The following ADCY1 variants were observed in gnomAD, a reference collection of about 807,000 sequenced individuals.
ADCY1 encodes adenylate cyclase type 1.
In ADCY1, 28 loss-of-function variants were observed where a neutral mutation model predicts 105.4. The ratio of observed to expected loss-of-function variants is 0.27; its 90% CI spans 0.20 to 0.36. The LOEUF (loss-of-function observed/expected upper bound fraction) is 0.36. Among genes scored for constraint, ADCY1 ranks in the 10% least tolerant of loss-of-function variants. ADCY1 has a pLI of 1.00. For synonymous variants in ADCY1, 655 were observed against 623.8 expected (o/e 1.05, Z -0.75); for missense variants, 977 against 1,434.2 (o/e 0.68, Z 5.15).
chr7:45,681,162 C>T (rs1328582164), intron 11 of ADCY1, among the ~76,000 whole-genome samples: 2 of 152,216 alleles, frequency 1.3e-5, no homozygotes, highest in African/African-American at 4.8e-5. Flanking sequence ...AGAAAACTCT[C>T]GGTTCTAAAA....
chr7:45,686,506 G>T lies in ADCY1; in HGVS notation c.2328-41G>T, dbSNP rs769768127. On this transcript the variant is annotated intron_variant, in intron 13 of 19. Coordinates refer to ENST00000297323, the MANE Select transcript of ADCY1 (RefSeq NM_021116.4). This position sits in a 1 kb window ranked among gnomAD's most constrained non-coding sequence, Gnocchi z 4.3. ...TTGGTGGCAGAGTCTTGCCCTGGAA[G>T]CTCGGCACTGACTTGGCTTTTCTTC... The T allele has an allele frequency of 8.9e-6, 14 of 1,581,846 alleles. No homozygotes were observed. The highest frequency in any genetic ancestry group is 1.1e-5 in the Non-Finnish European group (13 of 1,161,556).
At chr7:45,626,227 A>G (rs1794058552) in intron 4 of ADCY1, among the ~76,000 whole-genome samples, 1 of 152,174 alleles carries the variant, frequency 6.6e-6, no homozygotes, top group Admixed American at 6.5e-5. Flanking sequence ...ACACCAGTAA[A>G]ACTTTACAAA....
intron 14 of ADCY1, among the ~76,000 whole-genome samples, chr7:45,699,420 C>T (rs578175647): frequency 1.1e-3 from 161 of 152,260 alleles, no homozygotes; most frequent in Non-Finnish European, 1.8e-3. Context: ...TTCAAGGAAA[C>T]GCAGATAACT....
intron 6 of ADCY1, 115 bp from the exon 7 acceptor site, chr7:45,659,927 G>T: frequency 7.4e-7 from 1 of 1,347,400 alleles, no homozygotes. Flanking sequence ...TCCCCGTGGA[G>T]CCTGCCCTGG....
chr7:45,710,512 G>A lies in ADCY1; in HGVS notation c.2933-16G>A, dbSNP rs775971010. 2.5e-6 allele frequency: 4 copies of A among 1,612,760 alleles called. No homozygotes were observed. The highest frequency in any genetic ancestry group is 1.7e-5 in the Admixed American group (1 of 59,880). ...TTTTCCCGCTGATGACAGGTCATGCGCTGGCTGTTTTCTAGGCATCAATGT... is the reference window on the plus strand; with the variant it reads ...TTTTCCCGCTGATGACAGGTCATGCACTGGCTGTTTTCTAGGCATCAATGT... On this transcript the variant is annotated splice_polypyrimidine_tract_variant and intron_variant, in intron 18 of 19. Transcript: ENST00000297323. This position sits in a 1 kb window ranked among gnomAD's most constrained non-coding sequence, Gnocchi z 4.7.
intron 7 of ADCY1, 121 bp from the exon 8 acceptor site, chr7:45,661,938 C>G: frequency 8.0e-7 from 1 of 1,251,204 alleles, no homozygotes; most frequent in Middle Eastern, 2.0e-4. Flanking sequence ...GAAGTAGGCG[C>G]TGAGCAAATG....
intron 8 of ADCY1, among the ~76,000 whole-genome samples, chr7:45,662,876 G>A (rs1456109874): frequency 6.6e-6 from 1 of 152,194 alleles, no homozygotes; most frequent in Non-Finnish European, 1.5e-5. Context: ...CTGGAAGCCT[G>A]GGCTTTTGCA....
chr7:45,684,809 G>T, intron 11 of ADCY1, 170 bp from the exon 12 acceptor site: 1 of 533,718 alleles, frequency 1.9e-6, no homozygotes, highest in Non-Finnish European at 3.3e-6. Flanking sequence ...TTTCACCTGG[G>T]AGAATAAACA....
Position 45,710,349 on chromosome 7 carries a change from T to C in ADCY1, c.2933-179T>C, listed in dbSNP as rs1785202284. The stretch of plus-strand genomic sequence containing the variant: ...GCCCGTGCAGCAGGGCAGCTGCCTC[T>C]CTGGTGCTGTGTGTGATGCTTCAGG... On this transcript the variant is annotated intron_variant, in intron 18 of 19. Transcript: ENST00000297323. This position sits in a 1 kb window ranked among gnomAD's most constrained non-coding sequence, Gnocchi z 4.7. 6.6e-6 allele frequency among the ~76,000 whole-genome samples: 1 copy of C among 152,156 alleles called. No homozygotes were observed. The highest frequency in any genetic ancestry group is 1.5e-5 in the Non-Finnish European group (1 of 68,028).
chr7:45,658,899 C>A (rs1795015075), intron 6 of ADCY1, among the ~76,000 whole-genome samples: 1 of 152,190 alleles, frequency 6.6e-6, no homozygotes, highest in Non-Finnish European at 1.5e-5. Flanking sequence ...TGCCCCAGGC[C>A]AATGGGAGCT....
intron 1 of ADCY1, among the ~76,000 whole-genome samples, chr7:45,579,172 T>G (rs1339366869): frequency 6.6e-6 from 1 of 152,112 alleles, no homozygotes; most frequent in Non-Finnish European, 1.5e-5. Context: ...ATGACCTGGT[T>G]GTTGATAGCA....
chr7:45,574,217 G>A, upstream of ADCY1: 4 of 898,462 alleles, frequency 4.5e-6, no homozygotes, highest in Non-Finnish European at 5.3e-6. This position sits in a 1 kb window ranked among gnomAD's most constrained non-coding sequence, Gnocchi z 7.0. Flanking sequence ...CTCCTCCGGC[G>A]GGCGGGAACG....
intron 1 of ADCY1, among the ~76,000 whole-genome samples, chr7:45,588,366 C>A (rs749621793): frequency 6.6e-6 from 1 of 152,176 alleles, no homozygotes; most frequent in Non-Finnish European, 1.5e-5. Context: ...TCCAGGGAGC[C>A]CCAGTTCCTT....
In ADCY1 at chr7:45,635,375, T is replaced by TTA. The variant is rs1794373132; in HGVS notation, c.1020+12632_1020+12633insTA. Among the ~76,000 whole-genome samples, 3 of 151,944 alleles carry TTA rather than the reference T, an allele frequency of 2.0e-5. No individual in the cohort carries two copies. In the South Asian group the frequency reaches 6.2e-4, roughly 31 times the overall value. Reference sequence around the variant, plus strand: ...TTTTTCTATTTAGTTTCTTTTCGTATCTGTATTATTGTTTTTCTTCTGGTT... The same window carrying TTA: ...TTTTTCTATTTAGTTTCTTTTCGTATTACTGTATTATTGTTTTTCTTCTGGTT... On this transcript the variant is annotated intron_variant, in intron 4 of 19. Transcript: ENST00000297323.
intron 1 of ADCY1, among the ~76,000 whole-genome samples, chr7:45,579,684 A>G (rs1343692155): frequency 6.6e-6 from 1 of 152,130 alleles, no homozygotes; most frequent in East Asian, 1.9e-4. Flanking sequence ...GGCTGTGTGA[A>G]GGTAGGGAGT....
intron 8 of ADCY1, among the ~76,000 whole-genome samples, chr7:45,665,593 A>G (rs976144479): frequency 3.3e-5 from 5 of 152,396 alleles, no homozygotes; most frequent in African/African-American, 1.2e-4. Flanking sequence ...ACATCCACAC[A>G]TGATACAAAA....
At chr7:45,700,166 C>G (rs745920583) in intron 14 of ADCY1, among the ~76,000 whole-genome samples, 2 of 152,188 alleles carry the variant, frequency 1.3e-5, no homozygotes, top group Non-Finnish European at 2.9e-5. Flanking sequence ...CTCTTGACAA[C>G]AGTTATGGGG....
At chr7:45,707,482 G>A (rs1035227682) in intron 17 of ADCY1, among the ~76,000 whole-genome samples, 2 of 152,194 alleles carry the variant, frequency 1.3e-5, no homozygotes, top group South Asian at 2.1e-4. Flanking sequence ...AGGCAAAACG[G>A]TAGAGACTGT....
At chr7:45,684,134 C>T (rs1784619475) in intron 11 of ADCY1, among the ~76,000 whole-genome samples, 1 of 152,272 alleles carries the variant, frequency 6.6e-6, no homozygotes, top group African/African-American at 2.4e-5. Context: ...GCAGAGACCA[C>T]TGGGTTGGTG....
Sources: gnomAD v4.1 joint callset for allele counts (sites outside exome capture counted in the v4.1 genomes callset) on GRCh38, gnomAD v4.1.1 for gene constraint, Gnocchi (gnomAD v3.1) non-coding constraint, MANE v1.5 for transcripts, NCBI Gene and HGNC (gene_info 2026-07-23, HGNC 2026-07-21) for gene names.